Variants in SORBS2 observed in about 807,000 individuals in gnomAD.
The protein encoded by SORBS2 is sorbin and SH3 domain containing 2.
In SORBS2, 46 loss-of-function variants were observed where a neutral mutation model predicts 97.7. That is an observed-to-expected ratio of 0.47 (90% CI 0.37 to 0.60). The LOEUF (loss-of-function observed/expected upper bound fraction) is 0.60, where lower values mean the gene tolerates loss of function less well. SORBS2 is among the 20% of genes least tolerant of loss of function. The pLI, the probability that SORBS2 is intolerant of heterozygous loss-of-function variation, is 0.00. For synonymous variants in SORBS2, 476 were observed against 473.4 expected (o/e 1.01, Z -0.07); for missense variants, 1,316 against 1,282.3 (o/e 1.03, Z -0.40).
chr4:185,719,915 A>G (rs187847023), intron 2 of SORBS2, among the ~76,000 whole-genome samples: 3 of 152,210 alleles, frequency 2.0e-5, no homozygotes, highest in African/African-American at 4.8e-5. Context: ...CCAGGCTAAG[A>G]TTACATTTTT....
At chr4:185,735,008 T>C (rs1442961785) in intron 2 of SORBS2, among the ~76,000 whole-genome samples, 1 of 152,138 alleles carries the variant, frequency 6.6e-6, no homozygotes, top group African/African-American at 2.4e-5. Context: ...TATCTGACCA[T>C]TTAAGGCTCT....
intron 1 of SORBS2, among the ~76,000 whole-genome samples, chr4:185,851,260 T>C (rs2099217743): frequency 1.3e-5 from 2 of 152,196 alleles, no homozygotes; most frequent in Admixed American, 6.5e-5. Flanking sequence ...AAAACCTGTA[T>C]CTTCCCAGAC....
At chr4:185,899,763 C>A (rs1246636755) in intron 1 of SORBS2, among the ~76,000 whole-genome samples, 1 of 152,164 alleles carries the variant, frequency 6.6e-6, no homozygotes, top group Non-Finnish European at 1.5e-5. Context: ...TACAGTAGAG[C>A]CCAACGAGTA....
chr4:185,945,747 T>G (rs1220975032), intron 1 of SORBS2, among the ~76,000 whole-genome samples: 1 of 152,198 alleles, frequency 6.6e-6, no homozygotes, highest in Non-Finnish European at 1.5e-5. Context: ...AGGACAGATA[T>G]CTGATCCATG....
chr4:185,846,742 C>T (rs1199456582), intron 1 of SORBS2, among the ~76,000 whole-genome samples: 3 of 152,086 alleles, frequency 2.0e-5, no homozygotes, highest in South Asian at 4.1e-4. Context: ...GCTGAGTGCT[C>T]CATTAATCAA....
chr4:185,740,033 G>A lies in SORBS2; in HGVS notation c.-198+35194C>T, dbSNP rs559389038. The A allele has an allele frequency of 5.9e-5, 9 of 152,782 alleles. No individual in the cohort carries two copies. The South Asian group carries it at 1.7e-3, about 28-fold the overall frequency. The allele number at this position is 152,782 out of a possible 1,614,324, so 9.5% of individuals were successfully genotyped here. On this transcript the variant is annotated intron_variant, in intron 2 of 20. Transcript: ENST00000284776. ...GGAGCCGGGTCTCCCATGGTAAAAT[G>A]AGAGCCCAACACGGTGAGTTTGCTT...
chr4:185,856,239 A>G (rs1207570307), intron 1 of SORBS2, among the ~76,000 whole-genome samples: 1 of 152,184 alleles, frequency 6.6e-6, no homozygotes, highest in African/African-American at 2.4e-5. Context: ...TGATCAGGCC[A>G]GATTCTAATT....
At chr4:185,715,916 C>G (rs975532483) in intron 2 of SORBS2, among the ~76,000 whole-genome samples, 2 of 152,228 alleles carry the variant, frequency 1.3e-5, no homozygotes, top group African/African-American at 4.8e-5. Context: ...TCTTAACAGT[C>G]ATGCCCACTG....
At chr4:185,692,481 G>T (rs2098115138) in intron 2 of SORBS2, among the ~76,000 whole-genome samples, 1 of 152,092 alleles carries the variant, frequency 6.6e-6, no homozygotes, top group Admixed American at 6.6e-5. Flanking sequence ...GTCTGCCAAG[G>T]TTCTCACCCT....
At chr4:185,794,081 G>GA (rs200897376) in intron 1 of SORBS2, among the ~76,000 whole-genome samples, 283 of 150,742 alleles carry the variant, frequency 1.9e-3, no homozygotes, top group African/African-American at 4.8e-3. Context: ...TTTTTTAAAA[G>GA]AAAAAAAAAT....
chr4:185,752,433 A>C (rs532035200), intron 2 of SORBS2, among the ~76,000 whole-genome samples: 1 of 151,852 alleles, frequency 6.6e-6, no homozygotes, highest in Non-Finnish European at 1.5e-5. Context: ...CCGCCACCAC[A>C]CCCAGCTAAT....
At chr4:185,627,067 GGT>G in intron 5 of SORBS2, 48 bp from the exon 18 acceptor site, 6 of 1,572,800 alleles carry the variant, frequency 3.8e-6, no homozygotes, top group Non-Finnish European at 4.4e-6. Context: ...AGGAGGTTCG[GGT>G]GTGCACCAGA....
chr4:185,782,947 T>C (rs2099038233), intron 1 of SORBS2, among the ~76,000 whole-genome samples: 1 of 152,242 alleles, frequency 6.6e-6, no homozygotes, highest in Non-Finnish European at 1.5e-5. Context: ...ATGTATTCTT[T>C]ACACATGTGT....
At chr4:185,879,935 T>A (rs888151932) in intron 1 of SORBS2, among the ~76,000 whole-genome samples, 3 of 152,176 alleles carry the variant, frequency 2.0e-5, no homozygotes, top group African/African-American at 7.2e-5. Context: ...CGGTGACACG[T>A]ACAGCAGATT....
intron 1 of SORBS2, among the ~76,000 whole-genome samples, chr4:185,803,109 G>A (rs531059954): frequency 6.6e-6 from 1 of 152,032 alleles, no homozygotes; most frequent in Non-Finnish European, 1.5e-5. Flanking sequence ...CTATCCTTAC[G>A]CTCCTGTTCT....
chr4:185,841,416 C>A (rs974892175), intron 1 of SORBS2, among the ~76,000 whole-genome samples: 1 of 151,992 alleles, frequency 6.6e-6, no homozygotes, highest in African/African-American at 2.4e-5. Flanking sequence ...TGGGTGAGTT[C>A]CTGGGCTGGA....
chr4:185,915,708 C>A (rs77462517), intron 1 of SORBS2, among the ~76,000 whole-genome samples: 1 of 152,064 alleles, frequency 6.6e-6, no homozygotes, highest in Non-Finnish European at 1.5e-5. Flanking sequence ...TTCTGCCCCC[C>A]ACCCCCAGCA....
intron 2 of SORBS2, among the ~76,000 whole-genome samples, chr4:185,688,715 C>A (rs1006392574): frequency 1.3e-5 from 2 of 151,974 alleles, no homozygotes; most frequent in Non-Finnish European, 2.9e-5. Context: ...AACACAGTAA[C>A]AATGCTTTCA....
chr4:185,847,580 G>C (rs1339184640), intron 1 of SORBS2, among the ~76,000 whole-genome samples: 1 of 152,156 alleles, frequency 6.6e-6, no homozygotes, highest in Non-Finnish European at 1.5e-5. Flanking sequence ...AGATCTCGCA[G>C]GATGAGTAAG....
Sources: allele counts gnomAD v4.1 joint callset (sites outside exome capture counted in the v4.1 genomes callset), GRCh38; gene constraint gnomAD v4.1.1; transcripts MANE v1.5; gene names NCBI Gene and HGNC (gene_info 2026-07-23, HGNC 2026-07-21).